Variants in TARBP1 observed in about 807,000 individuals in gnomAD.
The protein encoded by TARBP1 is tRNA (guanosine(18)-2'-O)-methyltransferase TARBP1.
A neutral mutation model predicts 178.6 loss-of-function variants in TARBP1; 144 were observed. The observed-to-expected ratio is 0.81, with a 90% CI of 0.70 to 0.93. TARBP1 has a LOEUF of 0.93. Ranked by LOEUF, TARBP1 falls within the 40% of genes least tolerant of loss-of-function variation. The pLI, the probability that TARBP1 is intolerant of heterozygous loss-of-function variation, is 0.00. For synonymous variants in TARBP1, 787 were observed against 781.0 expected (o/e 1.01, Z -0.13); for missense variants, 2,067 against 2,011.7 (o/e 1.03, Z -0.53).
rs560732693 is a variant in TARBP1, at chr1:234,391,666, G to A, written c.4777C>T (p.Arg1593Cys). The change falls in exon 30 of 30, where the codon CGC becomes TGC. Residue 1593 changes from arginine (R) to cysteine (C), a missense_variant. Transcript: ENST00000040877. The stretch of plus-strand genomic sequence containing the variant: ...CCACTCACATGGACATTCAGGGAGC[G>A]GATAATGCCCTGTTGAGGAATTTCC... ...CVEIPQQGII[R>C]SLNVHVSGAL... The A allele has an allele frequency of 4.2e-5, 68 of 1,613,672 alleles. No individual in the cohort carries two copies. Among genetic ancestry groups the A allele is most frequent in the South Asian group, 2.3e-4 (21 of 90,998 alleles).
At position 234,437,294 on chromosome 1, in the gene TARBP1, G is replaced by GT; in HGVS notation, c.2212dup (p.Thr738AsnfsTer4). Reference sequence around the variant, plus strand: ...ACTTACACTATTTAGCTCATTCATAGTAAGTCTTCTGAGAATAAATTCAGA... The same window carrying GT: ...ACTTACACTATTTAGCTCATTCATAGTTAAGTCTTCTGAGAATAAATTCAGA... On this transcript the variant is annotated frameshift_variant, in exon 13 of 30. Transcript: ENST00000040877. LOFTEE classifies it high-confidence loss of function. 1 of 1,574,732 alleles carries GT rather than the reference G, an allele frequency of 6.4e-7. No individual in the cohort carries two copies. The highest frequency in any genetic ancestry group is 8.7e-7 in the Non-Finnish European group (1 of 1,154,404).
intron 28 of TARBP1, among the ~76,000 whole-genome samples, 160 bp downstream of exon 28, chr1:234,393,202 T>A (rs1659573782): frequency 6.6e-6 from 1 of 152,242 alleles, no homozygotes; most frequent in Non-Finnish European, 1.5e-5. Flanking sequence ...GATTAAAGAC[T>A]GCACTATTAT....
At chr1:234,473,507 C>G (rs1024902121) in intron 1 of TARBP1, among the ~76,000 whole-genome samples, 1 of 152,160 alleles carries the variant, frequency 6.6e-6, no homozygotes, top group Non-Finnish European at 1.5e-5. Flanking sequence ...ATGTGTGCAC[C>G]CTGGGTGCTG....
intron 13 of TARBP1, among the ~76,000 whole-genome samples, chr1:234,434,503 C>G (rs1664804766): frequency 6.6e-6 from 1 of 152,134 alleles, no homozygotes; most frequent in South Asian, 2.1e-4. Flanking sequence ...AGGAAGGATT[C>G]CTAAGTTTTT....
At chr1:234,427,166 T>A in intron 19 of TARBP1, 151 bp downstream of exon 19, 1 of 551,878 alleles carries the variant, frequency 1.8e-6, no homozygotes, top group South Asian at 3.0e-5. Flanking sequence ...CAAGGGACTA[T>A]AATTTCTAAC....
intron 3 of TARBP1, among the ~76,000 whole-genome samples, chr1:234,470,041 T>C (rs1571876210): frequency 6.6e-6 from 1 of 152,044 alleles, no homozygotes; most frequent in African/African-American, 2.4e-5. Context: ...CTGAGGCAGG[T>C]GGATCACCTG....
chr1:234,398,353 GA>G (rs764336018), intron 26 of TARBP1, 28 bp downstream of exon 26: 4 of 1,546,006 alleles, frequency 2.6e-6, no homozygotes, highest in South Asian at 2.5e-5. Context: ...TCAACAAGGG[GA>G]AAAAATAAAA....
rs144944708 is a variant in TARBP1, at chr1:234,425,117, C to T, written c.3444+556G>A. On this transcript the variant is annotated intron_variant, in intron 20 of 29. Transcript: ENST00000040877. ...GTGGATGCCTGTAATCCCAGCTACT[C>T]GGGTGGCTGAGGCAGGAGAATCACT... Among the ~76,000 whole-genome samples the T allele has an allele frequency of 5.5e-3, 829 of 151,794 alleles. 3 individuals are homozygous for T. The highest frequency in any genetic ancestry group is 8.9e-3 in the Non-Finnish European group (607 of 67,924).
intron 10 of TARBP1, 117 bp downstream of exon 10, chr1:234,450,311 G>C: frequency 1.4e-6 from 1 of 696,474 alleles, no homozygotes; most frequent in Non-Finnish European, 2.2e-6. Flanking sequence ...ATACAAGTTT[G>C]GCATCAATAA....
chr1:234,408,208 T>C (rs184505917), intron 23 of TARBP1, among the ~76,000 whole-genome samples: 1 of 152,284 alleles, frequency 6.6e-6, no homozygotes, highest in Admixed American at 6.5e-5. Context: ...AGGTTTTTTT[T>C]TTTTTTCCTT....
intron 29 of TARBP1, among the ~76,000 whole-genome samples, chr1:234,392,098 T>G (rs1303561445): frequency 6.6e-6 from 1 of 152,228 alleles, no homozygotes; most frequent in Non-Finnish European, 1.5e-5. Context: ...CCAGGCACGG[T>G]GGCTCACGCC....
chr1:234,425,296 G>A (rs1029935022), intron 20 of TARBP1, among the ~76,000 whole-genome samples: 3 of 152,186 alleles, frequency 2.0e-5, no homozygotes, highest in Non-Finnish European at 2.9e-5. Flanking sequence ...AAAATACAGA[G>A]TGAAGTACAG....
chr1:234,425,650 A>T (rs989751355), intron 20 of TARBP1, 23 bp downstream of exon 20: 2 of 1,489,038 alleles, frequency 1.3e-6, no homozygotes, highest in East Asian at 4.5e-5. Flanking sequence ...AAACAAAGAT[A>T]ATTTAAAGTA....
At chr1:234,395,302 T>C (rs1448844259) in intron 26 of TARBP1, among the ~76,000 whole-genome samples, 4 of 152,194 alleles carry the variant, frequency 2.6e-5, no homozygotes, top group Non-Finnish European at 5.9e-5. Context: ...ACAGTACTGC[T>C]GTGTGTTTTA....
intron 17 of TARBP1, among the ~76,000 whole-genome samples, chr1:234,428,383 C>T (rs549949397): frequency 1.3e-5 from 2 of 152,184 alleles, no homozygotes; most frequent in South Asian, 2.1e-4. Flanking sequence ...TGACAAATGG[C>T]GCCTGACATT....
At chr1:234,444,285 C>T (rs1998397) in intron 12 of TARBP1, among the ~76,000 whole-genome samples, 45,682 of 151,932 alleles carry the variant, frequency 0.3, 7,076 homozygotes, top group Admixed American at 0.41. Flanking sequence ...AAGCAGTATA[C>T]TGAAGGCTCA....
chr1:234,437,518 C>A (rs1253598919), intron 12 of TARBP1, 146 bp from the exon 13 acceptor site: 1 of 482,728 alleles, frequency 2.1e-6, no homozygotes, highest in East Asian at 3.4e-5. Flanking sequence ...ATCATTCACC[C>A]CATGGGGAAA....
At chr1:234,395,780 C>T (rs1659876678) in intron 26 of TARBP1, among the ~76,000 whole-genome samples, 1 of 152,086 alleles carries the variant, frequency 6.6e-6, no homozygotes, top group Admixed American at 6.5e-5. Flanking sequence ...CCGTGAAAAC[C>T]TTCAGTGGCA....
intron 22 of TARBP1, among the ~76,000 whole-genome samples, chr1:234,417,625 T>C (rs1558173450): frequency 6.6e-6 from 1 of 152,230 alleles, no homozygotes; most frequent in Non-Finnish European, 1.5e-5. Context: ...TGGAAAGCGA[T>C]TAGGGGAGTG....
Sources: allele counts gnomAD v4.1 joint callset (sites outside exome capture counted in the v4.1 genomes callset), GRCh38; gene constraint gnomAD v4.1.1; transcripts MANE v1.5; gene names NCBI Gene and HGNC (gene_info 2026-07-23, HGNC 2026-07-21).